FBXL18: variants seen among roughly 807,000 people sequenced by gnomAD.
FBXL18 encodes F-box and leucine rich repeat protein 18, also known as F-box/LRR-repeat protein 18.
In FBXL18, 36 loss-of-function variants were observed where a neutral mutation model predicts 46.0. The observed-to-expected ratio is 0.78, with a 90% CI of 0.60 to 1.03. FBXL18 has a LOEUF of 1.03. Among genes scored for constraint, FBXL18 ranks in the 50% least tolerant of loss-of-function variants. FBXL18 has a pLI of 0.00. For synonymous variants in FBXL18, 557 were observed against 465.3 expected (o/e 1.20, Z -2.54); for missense variants, 977 against 1,004.1 (o/e 0.97, Z 0.36).
In FBXL18 at chr7:5,505,526, A is replaced by G. The variant is rs752328223; in HGVS notation, c.123T>C (p.Ser41=). The G allele has an allele frequency of 6.2e-7, 1 of 1,614,128 alleles. No homozygotes were observed. Among genetic ancestry groups the G allele is most frequent in the South Asian group, 1.1e-5 (1 of 91,078 alleles). Residue 41 remains serine, a synonymous_variant, in exon 2 of 5, where the codon AGT becomes AGC. Coordinates refer to ENST00000382368, the MANE Select transcript of FBXL18 (RefSeq NM_024963.6). ...GAATCAGATCTGTGCTGGGGACGTGACTCAGGATGTGAAGGAGGATCTCAT... is the reference window on the plus strand; with the variant it reads ...GAATCAGATCTGTGCTGGGGACGTGGCTCAGGATGTGAAGGAGGATCTCAT... The part of the protein sequence containing the change: ...FSDEILLHIL[S]HVPSTDLILN...
chr7:5,505,687 G>C, intron 1 of FBXL18, 57 bp from the exon 2 acceptor site: 2 of 1,480,642 alleles, frequency 1.4e-6, no homozygotes, highest in Non-Finnish European at 1.9e-6. Context: ...TGTCAGCCTA[G>C]CCTGCAGCTA....
intron 4 of FBXL18, among the ~76,000 whole-genome samples, chr7:5,464,384 C>T (rs538577446): frequency 6.6e-6 from 1 of 151,994 alleles, no homozygotes; most frequent in East Asian, 2.0e-4. Context: ...GAGGCTGAGG[C>T]AGGGAGAATT....
At chr7:5,454,504 G>A (rs1229456277) in intron 4 of FBXL18, among the ~76,000 whole-genome samples, 2 of 151,340 alleles carry the variant, frequency 1.3e-5, no homozygotes, top group East Asian at 1.9e-4. Context: ...TTTTTCTCAC[G>A]TGAGTAAATG....
intron 4 of FBXL18, among the ~76,000 whole-genome samples, chr7:5,463,734 T>TATTTATTTA (rs1562672319): frequency 3.4e-5 from 2 of 58,434 alleles, no homozygotes; most frequent in South Asian, 5.7e-4. Context: ...ATTTATTTTT[T>TATTTATTTA]TTTTTTTTTT....
chr7:5,491,769 G>A (rs1056741525), intron 3 of FBXL18, among the ~76,000 whole-genome samples: 1 of 152,184 alleles, frequency 6.6e-6, no homozygotes, highest in East Asian at 1.9e-4. Flanking sequence ...GCACCCCAAT[G>A]ACCCCCAGGC....
intron 4 of FBXL18, among the ~76,000 whole-genome samples, chr7:5,465,612 G>A (rs1005914910): frequency 4.6e-5 from 7 of 151,894 alleles, no homozygotes; most frequent in African/African-American, 7.3e-5. Flanking sequence ...ACTCCAGCTC[G>A]GGCAACAGAG....
chr7:5,490,992 G>A (rs756729686), intron 4 of FBXL18, among the ~76,000 whole-genome samples: 1 of 152,212 alleles, frequency 6.6e-6, no homozygotes, highest in Non-Finnish European at 1.5e-5. Context: ...GAAGACTTTT[G>A]TACTTGTGGG....
At chr7:5,505,747 A>G in intron 1 of FBXL18, 117 bp from the exon 2 acceptor site, 1 of 777,328 alleles carries the variant, frequency 1.3e-6, no homozygotes, top group Admixed American at 2.7e-5. Flanking sequence ...AGGTGTTTTT[A>G]CTAAAACTCT....
At chr7:5,466,948 G>C (rs1223268987) in intron 4 of FBXL18, among the ~76,000 whole-genome samples, 1 of 152,188 alleles carries the variant, frequency 6.6e-6, no homozygotes, top group East Asian at 1.9e-4. Context: ...TACAGGCAGT[G>C]GCTCACTCCT....
In FBXL18 at chr7:5,481,692, T is replaced by C. The variant is rs1439943421; in HGVS notation, c.*83A>G. On this transcript the variant is annotated 3_prime_UTR_variant, in exon 5 of 5. Coordinates refer to ENST00000382368, the MANE Select transcript of FBXL18 (RefSeq NM_024963.6). The stretch of plus-strand genomic sequence containing the variant: ...GCCGGGAGAGAGGCCCCCTTCCTCT[T>C]GTGACAAACCAAGGGTCCCTGGCGT... 6.7e-7 allele frequency: 1 copy of C among 1,486,092 alleles called. No individual in the cohort carries two copies. Among genetic ancestry groups the C allele is most frequent in the African/African-American group, 1.4e-5 (1 of 71,950 alleles). 92.1% of individuals were successfully genotyped at this position (1,486,092 alleles called of 1,614,324 possible).
rs760626240 is a variant in FBXL18 at position 5,513,670 on chromosome 7, G to A, written c.5C>T (p.Ala2Val). 9 of 1,609,174 alleles carry A rather than the reference G, an allele frequency of 5.6e-6. No individual in the cohort carries two copies. Among genetic ancestry groups the A allele is most frequent in the South Asian group, 2.2e-5 (2 of 90,408 alleles). M[A>V]SSGEDISNDD... Reference sequence around the variant, plus strand: ...CGCGGACAGTACCTCTCCGGAGCTGGCCATGTCGCCGGCGGGTCCGAACCG... The same window carrying A: ...CGCGGACAGTACCTCTCCGGAGCTGACCATGTCGCCGGCGGGTCCGAACCG... The change falls in exon 1 of 5, where the codon GCC (alanine) becomes GTC (valine). Residue 2 changes from alanine (A) to valine (V), a missense_variant. By Grantham distance (64) the Ala-to-Val change is moderately conservative. Transcript: ENST00000382368.
chr7:5,480,694 G>C lies in FBXL18; in HGVS notation c.*1081C>G, dbSNP rs1783622749. ...TTCTCCTGCCTCAGCCTCCTGAGTAGCTAGGATTACAGGCGCCCGCCACCA... is the reference window on the plus strand; with the variant it reads ...TTCTCCTGCCTCAGCCTCCTGAGTACCTAGGATTACAGGCGCCCGCCACCA... On this transcript the variant is annotated 3_prime_UTR_variant, in exon 5 of 5. Coordinates refer to ENST00000382368, the MANE Select transcript of FBXL18 (RefSeq NM_024963.6). The C allele has an allele frequency of 6.7e-6, 1 of 150,262 alleles. No homozygotes were observed. The highest frequency in any genetic ancestry group is 2.5e-5 in the African/African-American group (1 of 40,800). The allele number at this position is 150,262 out of a possible 1,614,324, so 9.3% of individuals were successfully genotyped here. A position where few individuals can be genotyped will look rare whatever the true frequency, so the allele number is the denominator to read the frequency against.
chr7:5,483,147 CAAAA>C (rs1285002849), intron 4 of FBXL18, among the ~76,000 whole-genome samples: 1 of 151,930 alleles, frequency 6.6e-6, no homozygotes, highest in Non-Finnish European at 1.5e-5. Context: ...GAGAGGAAGA[CAAAA>C]ACATCCAGGA....
chr7:5,480,707 G>A lies in FBXL18; in HGVS notation c.*1068C>T, dbSNP rs535363037. On this transcript the variant is annotated 3_prime_UTR_variant, in exon 5 of 5. Coordinates refer to ENST00000382368, the MANE Select transcript of FBXL18 (RefSeq NM_024963.6). ...GCCTCCTGAGTAGCTAGGATTACAG[G>A]CGCCCGCCACCACGCCCAGCTAATT... The A allele has an allele frequency of 6.6e-6, 1 of 151,156 alleles. No individual in the cohort carries two copies. The highest frequency in any genetic ancestry group is 6.6e-5 in the Admixed American group (1 of 15,152). The allele number at this position is 151,156 out of a possible 1,614,324, so 9.4% of individuals were successfully genotyped here. A position where few individuals can be genotyped will look rare whatever the true frequency, so the allele number is the denominator to read the frequency against.
chr7:5,494,689 CAA>C (rs2128236245), intron 3 of FBXL18, among the ~76,000 whole-genome samples: 1 of 152,292 alleles, frequency 6.6e-6, no homozygotes, highest in South Asian at 2.1e-4. Flanking sequence ...TGCTGAGCTG[CAA>C]AGTCACCTCT....
rs200497913 is a variant in FBXL18, at chr7:5,481,802, G to T, written c.2130C>A (p.Ala710=). Residue 710 remains alanine, a synonymous_variant, in exon 5 of 5, where the codon GCC becomes GCA. Coordinates refer to ENST00000382368, the MANE Select transcript of FBXL18 (RefSeq NM_024963.6). ...ACCACCACAGGTTCGGCGGTTCCTC[G>T]GCCACTCTGCTCTTAAATAAGGTGA... ...DEITLFKSRV[A]EEPPNLWW is the part of the protein sequence containing the mutation. 1 of 1,613,506 alleles carries T rather than the reference G, an allele frequency of 6.2e-7. No individual in the cohort carries two copies. The highest frequency in any genetic ancestry group is 1.3e-5 in the African/African-American group (1 of 75,060).
At position 5,501,339 on chromosome 7, in the gene FBXL18, G is replaced by C. The variant is rs761666148; in HGVS notation, c.930C>G (p.His310Gln). Residue 310 changes from histidine (H) to glutamine (Q), a missense_variant, in exon 3 of 5, where the codon CAC (histidine) becomes CAG (glutamine). Physicochemically the swap from His to Gln is conservative, Grantham distance 24 (BLOSUM62 0). Coordinates refer to ENST00000382368, the MANE Select transcript of FBXL18 (RefSeq NM_024963.6). ...SWLNGSSLLQ[H>Q]MKFNNPFYFS... is the part of the protein sequence containing the mutation. ...AGTAGAACGGGTTGTTGAATTTCAT[G>C]TGCTGCAGGAGGGAAGAGCCGTTCA... The C allele has an allele frequency of 2.3e-5, 37 of 1,614,078 alleles. No homozygotes were observed. In the East Asian group the frequency reaches 7.3e-4, roughly 32 times the overall value.
Position 5,479,802 on chromosome 7 carries a change from G to A in FBXL18, c.*1973C>T, listed in dbSNP as rs1177587672. 1 of 152,414 alleles carries A rather than the reference G, an allele frequency of 6.6e-6. No homozygotes were observed. Among genetic ancestry groups the A allele is most frequent in the Non-Finnish European group, 1.5e-5 (1 of 68,190 alleles). 9.4% of individuals were successfully genotyped at this position (152,414 alleles called of 1,614,324 possible). ...AGGGTCCCTCTGGCCAGGAGGCAAA[G>A]GTTCTGCACTGGGTGCAGCCTGGGG... On this transcript the variant is annotated 3_prime_UTR_variant, in exon 5 of 5. Transcript: ENST00000382368.
Position 5,501,433 on chromosome 7 carries a change from G to T in FBXL18, c.836C>A (p.Thr279Asn). 1 of 1,613,438 alleles carries T rather than the reference G, an allele frequency of 6.2e-7. No homozygotes were observed. Among genetic ancestry groups the T allele is most frequent in the Non-Finnish European group, 8.5e-7 (1 of 1,180,022 alleles). ...VPGSFAESGATKNLLDSMARN... is the reference protein window; with the variant it reads ...VPGSFAESGANKNLLDSMARN... ...CGCCATGGAGTCCAGGAGGTTCTTG[G>T]TGGCGCCGCTCTCCGCGAAGCTGCC... The change falls in exon 3 of 5, where the codon ACC becomes AAC. Residue 279 changes from threonine to asparagine, a missense_variant. Transcript: ENST00000382368.
Sources: gnomAD v4.1 joint callset for allele counts (sites outside exome capture counted in the v4.1 genomes callset) on GRCh38, gnomAD v4.1.1 for gene constraint, MANE v1.5 for transcripts, NCBI Gene and HGNC (gene_info 2026-07-23, HGNC 2026-07-21) for gene names.